The following NAV2 variants were observed in gnomAD, a reference collection of about 807,000 sequenced individuals.
The protein encoded by NAV2 is helicase, APC down-regulated 1.
NAV2 carries 54 observed loss-of-function variants against 223.2 expected under a neutral mutation model. The observed-to-expected ratio is 0.24, with a 90% confidence interval of 0.19 to 0.30. NAV2 has a LOEUF of 0.30. NAV2 is among the 10% of genes least tolerant of loss of function. The probability of loss-of-function intolerance (pLI) is 1.00; values close to 1 mark genes in which losing one functional copy is unlikely to be tolerated. For synonymous variants in NAV2, 1,279 were observed against 1,239.3 expected (o/e 1.03, Z -0.67); for missense variants, 2,806 against 3,147.5 (o/e 0.89, Z 2.60).
intron 1 of NAV2, among the ~76,000 whole-genome samples, chr11:19,680,455 C>T (rs1236918420): frequency 6.6e-6 from 1 of 152,158 alleles, no homozygotes; most frequent in African/African-American, 2.4e-5. Flanking sequence ...TAAATATCAA[C>T]CACCCAGCCA....
chr11:19,588,886 C>G (rs1043696543), intron 1 of NAV2, among the ~76,000 whole-genome samples: 1 of 152,192 alleles, frequency 6.6e-6, no homozygotes, highest in Non-Finnish European at 1.5e-5. Flanking sequence ...GCTGTCCTTG[C>G]CCATGTTTCT....
intron 1 of NAV2, among the ~76,000 whole-genome samples, chr11:19,524,631 G>A (rs1305989251): frequency 6.6e-6 from 1 of 151,456 alleles, no homozygotes; most frequent in Admixed American, 6.5e-5. Flanking sequence ...CTTTGGTGGG[G>A]GGCTGGGCCT....
chr11:20,029,875 G>C (rs1201505004), intron 11 of NAV2, among the ~76,000 whole-genome samples: 1 of 152,200 alleles, frequency 6.6e-6, no homozygotes, highest in Non-Finnish European at 1.5e-5. Flanking sequence ...CATTTCATTA[G>C]TGGAGAAAAA....
chr11:20,041,283 T>A (rs1226179783), intron 12 of NAV2, among the ~76,000 whole-genome samples: 1 of 152,352 alleles, frequency 6.6e-6, no homozygotes, highest in East Asian at 1.9e-4. Flanking sequence ...CCTGCATCTC[T>A]ACTTCCTCAC....
chr11:20,028,730 A>G (rs977051947), intron 11 of NAV2, among the ~76,000 whole-genome samples: 1 of 152,156 alleles, frequency 6.6e-6, no homozygotes, highest in African/African-American at 2.4e-5. Context: ...GTGGAATAAT[A>G]TAAATAATGT....
At chr11:19,896,629 C>T (rs1048023582) in intron 6 of NAV2, among the ~76,000 whole-genome samples, 1 of 152,154 alleles carries the variant, frequency 6.6e-6, no homozygotes, top group East Asian at 1.9e-4. Flanking sequence ...GCCTGCAATT[C>T]ATAGGCTTTA....
intron 1 of NAV2, among the ~76,000 whole-genome samples, chr11:19,818,718 T>C (rs1192681631): frequency 6.6e-6 from 1 of 152,210 alleles, no homozygotes; most frequent in East Asian, 1.9e-4. Context: ...CACTTTAGCA[T>C]CCACCGTCGG....
intron 1 of NAV2, among the ~76,000 whole-genome samples, chr11:19,369,308 A>C (rs137967958): frequency 2.7e-4 from 41 of 152,308 alleles, no homozygotes; most frequent in African/African-American, 8.7e-4. Flanking sequence ...ACCCATTGCA[A>C]ATCAATTCCT....
intron 1 of NAV2, among the ~76,000 whole-genome samples, chr11:19,534,130 T>C (rs1311215535): frequency 2.0e-5 from 3 of 152,384 alleles, no homozygotes; most frequent in Non-Finnish European, 2.9e-5. Context: ...CCCCATGTCA[T>C]AGGCCACCTT....
intron 1 of NAV2, among the ~76,000 whole-genome samples, chr11:19,659,953 CTAT>C (rs144868564): frequency 4.2e-4 from 63 of 150,962 alleles, no homozygotes; most frequent in Admixed American, 9.9e-4. Context: ...CACAAAAGAA[CTAT>C]TATTATTATT....
At chr11:19,624,704 G>C (rs2047111728) in intron 1 of NAV2, among the ~76,000 whole-genome samples, 1 of 152,194 alleles carries the variant, frequency 6.6e-6, no homozygotes, top group Admixed American at 6.5e-5. Context: ...TGTGCTTCCT[G>C]GGTGAGGCGA....
chr11:19,981,034 C>A (rs894328248), intron 10 of NAV2, among the ~76,000 whole-genome samples: 1 of 152,184 alleles, frequency 6.6e-6, no homozygotes, highest in African/African-American at 2.4e-5. Flanking sequence ...TATCACTCTG[C>A]CTGCCCTCCC....
Position 19,976,445 on chromosome 11 carries a change from C to T in NAV2, c.2646-7680C>T, listed in dbSNP as rs140823437. The stretch of plus-strand genomic sequence containing the variant: ...TAGAAATGGCAAAAGTCTGTGACAC[C>T]AGTTTTCCCTGGCGAGGCTGGCAGG... On this transcript the variant is annotated intron_variant, in intron 10 of 37. Coordinates refer to ENST00000349880, the MANE Select transcript of NAV2 (RefSeq NM_145117.5). Among the ~76,000 whole-genome samples, 1,251 of 152,262 alleles carry T rather than the reference C, an allele frequency of 8.2e-3. 22 individuals are homozygous for T. The highest frequency in any genetic ancestry group is 0.029 in the African/African-American group (1,200 of 41,542).
intron 29 of NAV2, among the ~76,000 whole-genome samples, chr11:20,093,856 G>A (rs1305332508): frequency 6.6e-6 from 1 of 152,162 alleles, no homozygotes; most frequent in Non-Finnish European, 1.5e-5. Flanking sequence ...TTTAGCCAGT[G>A]ATTAAAACCC....
chr11:19,877,694 A>G lies in NAV2; in HGVS notation c.512-2175A>G, dbSNP rs569332087. 9.9e-4 allele frequency among the ~76,000 whole-genome samples: 151 copies of G among 151,844 alleles called. 2 individuals carry two copies. In the East Asian group the frequency reaches 0.024, roughly 24 times the overall value. On this transcript the variant is annotated intron_variant, in intron 4 of 37. Coordinates refer to ENST00000349880, the MANE Select transcript of NAV2 (RefSeq NM_145117.5). ...TCACCGTGTTAGCCAGGATGGTCTCAATCTCCTGACCTCGTGATCCACCCA... is the reference window on the plus strand; with the variant it reads ...TCACCGTGTTAGCCAGGATGGTCTCGATCTCCTGACCTCGTGATCCACCCA...
intron 6 of NAV2, among the ~76,000 whole-genome samples, chr11:19,913,022 T>A (rs1040853446): frequency 6.6e-6 from 1 of 152,194 alleles, no homozygotes; most frequent in Non-Finnish European, 1.5e-5. Flanking sequence ...TTTCTGTGCA[T>A]CAGAGTCGCC....
At chr11:20,008,116 C>T (rs2053239025) in intron 11 of NAV2, among the ~76,000 whole-genome samples, 1 of 152,116 alleles carries the variant, frequency 6.6e-6, no homozygotes, top group Non-Finnish European at 1.5e-5. Flanking sequence ...CCTGTAATCC[C>T]AGCACTTTGG....
chr11:20,053,947 G>A (rs942007775), intron 17 of NAV2, 133 bp from the exon 18 acceptor site: 5 of 932,070 alleles, frequency 5.4e-6, no homozygotes, highest in African/African-American at 5.1e-5. Context: ...TTCAGGACGT[G>A]TAGTGATCTG....
chr11:19,815,915 G>A (rs1183187008), intron 1 of NAV2, among the ~76,000 whole-genome samples: 1 of 152,180 alleles, frequency 6.6e-6, no homozygotes, highest in East Asian at 1.9e-4. Flanking sequence ...TTCTTCTTGA[G>A]ATGAATCAAT....
Sources: gnomAD v4.1 joint callset for allele counts (sites outside exome capture counted in the v4.1 genomes callset) on GRCh38, gnomAD v4.1.1 for gene constraint, MANE v1.5 for transcripts, NCBI Gene and HGNC (gene_info 2026-07-23, HGNC 2026-07-21) for gene names.